Variants in ALMS1 observed in about 807,000 individuals in gnomAD.
The protein encoded by ALMS1 is ALMS1 centrosome and basal body associated protein, also known as centrosome-associated protein ALMS1.
Under a neutral mutation model 352.2 loss-of-function variants are expected in ALMS1, and 271 were observed. That is an observed-to-expected ratio of 0.77 (90% confidence interval 0.70 to 0.85). ALMS1 has a LOEUF of 0.85. ALMS1 is among the 40% of genes least tolerant of loss of function. The pLI is 0.00. For missense variants in ALMS1, 5,445 were observed against 4,870.7 expected (o/e 1.12, Z -3.51); for synonymous variants, 1,865 against 1,761.2 (o/e 1.06, Z -1.48).
At chr2:73,602,832 G>C (rs3111897) in intron 20 of ALMS1, among the ~76,000 whole-genome samples, 5 of 152,158 alleles carry the variant, frequency 3.3e-5, no homozygotes, top group Non-Finnish European at 5.9e-5. Flanking sequence ...GGGAGATTAA[G>C]TACCTCTCCC....
chr2:73,471,785 G>A (rs1672473804), intron 9 of ALMS1, among the ~76,000 whole-genome samples: 1 of 151,930 alleles, frequency 6.6e-6, no homozygotes. Flanking sequence ...AAATGGTGTA[G>A]CTGCTGTGGA....
chr2:73,602,528 C>T (rs1241626254), intron 20 of ALMS1, among the ~76,000 whole-genome samples, 160 bp downstream of exon 20: 1 of 152,206 alleles, frequency 6.6e-6, no homozygotes. Flanking sequence ...GCAGAATCTC[C>T]CCAACTTAGC....
intron 9 of ALMS1, among the ~76,000 whole-genome samples, chr2:73,488,438 G>A (rs1474471259): frequency 6.6e-6 from 1 of 152,218 alleles, no homozygotes; most frequent in Non-Finnish European, 1.5e-5. Flanking sequence ...AGGCACTTCT[G>A]AGCCTGCAGG....
At chr2:73,567,885 A>T (rs946597773) in intron 15 of ALMS1, among the ~76,000 whole-genome samples, 9 of 152,228 alleles carry the variant, frequency 5.9e-5, no homozygotes, top group Non-Finnish European at 1.2e-4. Flanking sequence ...ATAAATGTAT[A>T]TATTAAAATT....
At chr2:73,462,446 C>A (rs2103817295) in intron 9 of ALMS1, among the ~76,000 whole-genome samples, 1 of 152,182 alleles carries the variant, frequency 6.6e-6, no homozygotes, top group East Asian at 1.9e-4. Flanking sequence ...TAAAAGAGCT[C>A]CTGAAGGAAG....
chr2:73,596,968 T>C (rs1421133843), intron 16 of ALMS1, among the ~76,000 whole-genome samples: 1 of 150,918 alleles, frequency 6.6e-6, no homozygotes, highest in Non-Finnish European at 1.5e-5. Context: ...TGAAAAATGC[T>C]TGCTGGAATT....
intron 10 of ALMS1, among the ~76,000 whole-genome samples, chr2:73,513,394 A>G (rs1021372033): frequency 7.9e-5 from 12 of 151,972 alleles, no homozygotes; most frequent in African/African-American, 2.9e-4. Context: ...GGCTCATGAC[A>G]CCTCACATTG....
In ALMS1 at chr2:73,395,074, A is replaced by ATT. The variant is rs1286212985; in HGVS notation, c.324+8883_324+8884insTT. The stretch of plus-strand genomic sequence containing the variant: ...TATATATATGTGTATATATATATAT[A>ATT]TATATTTTTTTTTTTTTTTTTTTTT... On this transcript the variant is annotated intron_variant, in intron 1 of 22. Coordinates refer to ENST00000613296, the MANE Select transcript of ALMS1 (RefSeq NM_001378454.1). 1.7e-3 allele frequency among the ~76,000 whole-genome samples: 168 copies of ATT among 101,200 alleles called. 13 individuals are homozygous for ATT. Among genetic ancestry groups the ATT allele is most frequent in the Non-Finnish European group, 2.2e-3 (117 of 53,516 alleles). The allele number at this position is 101,200 out of a possible 152,430, so 66.4% of individuals were successfully genotyped here.
At chr2:73,506,927 C>T (rs1052813633) in intron 10 of ALMS1, among the ~76,000 whole-genome samples, 2 of 152,170 alleles carry the variant, frequency 1.3e-5, no homozygotes, top group Non-Finnish European at 2.9e-5. Context: ...TCACAAATAG[C>T]TCTTATTTTT....
chr2:73,409,955 A>G (rs891837836), intron 2 of ALMS1, among the ~76,000 whole-genome samples: 2 of 152,226 alleles, frequency 1.3e-5, no homozygotes, highest in East Asian at 1.9e-4. Context: ...CTGGAAGACC[A>G]TCAGGCAGAG....
chr2:73,532,996 C>T (rs1401953778), intron 11 of ALMS1, among the ~76,000 whole-genome samples: 6 of 152,158 alleles, frequency 3.9e-5, no homozygotes, highest in East Asian at 3.9e-4. Context: ...TCCTTTCTGG[C>T]CCAGGGTATG....
In ALMS1 at chr2:73,448,670, C is replaced by T. The variant is rs2103773831; in HGVS notation, c.2143C>T (p.Pro715Ser). Residue 715 changes from proline to serine, a missense_variant, in exon 8 of 23, where the codon CCC becomes TCC. By Grantham distance (74) the Pro-to-Ser change is moderately conservative. Transcript: ENST00000613296. ...TGGGACAGCAACAGTACTCTCTACT[C>T]CCCACTCACATAGAGAGAAGCCTGG... Reference protein sequence around the residue: ...KTGTATVLSTPHSHREKPGIF... With the variant: ...KTGTATVLSTSHSHREKPGIF... The T allele has an allele frequency of 6.2e-7, 1 of 1,611,122 alleles. No homozygotes were observed. The highest frequency in any genetic ancestry group is 8.5e-7 in the Non-Finnish European group (1 of 1,178,956).
chr2:73,605,777 A>T (rs959413241), intron 21 of ALMS1, among the ~76,000 whole-genome samples: 1 of 151,954 alleles, frequency 6.6e-6, no homozygotes. Flanking sequence ...TGGGAGGCAG[A>T]GGTTGCAGTG....
At chr2:73,486,709 A>T (rs569509439) in intron 9 of ALMS1, among the ~76,000 whole-genome samples, 16 of 152,264 alleles carry the variant, frequency 1.1e-4, no homozygotes, top group Admixed American at 7.8e-4. Flanking sequence ...TTTGTTTTAT[A>T]TATATTTTCC....
At chr2:73,489,028 G>A (rs1224132181) in intron 9 of ALMS1, among the ~76,000 whole-genome samples, 4 of 152,116 alleles carry the variant, frequency 2.6e-5, no homozygotes, top group Non-Finnish European at 1.5e-5. Context: ...TCTGTTCCTT[G>A]ATGTCATCCA....
intron 10 of ALMS1, among the ~76,000 whole-genome samples, chr2:73,508,373 C>G (rs1278038951): frequency 6.6e-6 from 1 of 151,462 alleles, no homozygotes; most frequent in Non-Finnish European, 1.5e-5. Context: ...TGGCTAATTT[C>G]TTTTTGTATT....
intron 10 of ALMS1, among the ~76,000 whole-genome samples, chr2:73,498,535 A>G (rs560321557): frequency 5.5e-4 from 83 of 150,408 alleles, no homozygotes; most frequent in Non-Finnish European, 1.0e-3. Context: ...GTGTGTGCCC[A>G]TTAACCATCC....
At chr2:73,598,905 C>G (rs1675610304) in intron 16 of ALMS1, among the ~76,000 whole-genome samples, 1 of 152,184 alleles carries the variant, frequency 6.6e-6, no homozygotes, top group South Asian at 2.1e-4. Context: ...TTGGGACTCT[C>G]TAATACTTTT....
At chr2:73,513,219 G>T (rs1361898352) in intron 10 of ALMS1, among the ~76,000 whole-genome samples, 1 of 151,854 alleles carries the variant, frequency 6.6e-6, no homozygotes, top group African/African-American at 2.4e-5. Context: ...TTCCATGCTA[G>T]ACCACTCCTC....
Sources: allele counts gnomAD v4.1 joint callset (sites outside exome capture counted in the v4.1 genomes callset), GRCh38; gene constraint gnomAD v4.1.1; transcripts MANE v1.5; gene names NCBI Gene and HGNC (gene_info 2026-07-23, HGNC 2026-07-21).